Variants in CSPG4 observed in about 807,000 individuals in gnomAD.
CSPG4 encodes chondroitin sulfate proteoglycan 4 (melanoma-associated).
In CSPG4, 74 loss-of-function variants were observed where a neutral mutation model predicts 139.3. That is an observed-to-expected ratio of 0.53 (90% confidence interval 0.44 to 0.64). CSPG4 has a LOEUF of 0.64. Among genes scored for constraint, CSPG4 ranks in the 30% least tolerant of loss-of-function variants. CSPG4 has a pLI of 0.00. For synonymous variants in CSPG4, 1,234 were observed against 1,394.2 expected (o/e 0.89, Z 2.56); for missense variants, 2,565 against 3,148.3 (o/e 0.81, Z 4.43).
chr15:75,678,656 A>G (rs187382316), intron 8 of CSPG4: 29 of 456,104 alleles, frequency 6.4e-5, no homozygotes, highest in Middle Eastern at 6.5e-4. Flanking sequence ...ACCTGGCCAG[A>G]AAAAACTATT....
At position 75,690,084 on chromosome 15, in the gene CSPG4, C is replaced by T. The variant is rs368002060; in HGVS notation, c.981G>A (p.Leu327=). The part of the protein sequence containing the change: ...EPRGSLLLGG[L]DAEASRHLQE... The stretch of plus-strand genomic sequence containing the variant: ...GGAGGTGACGAGAGGCCTCTGCATC[C>T]AGCCCCCCGAGAAGGAGACTGCCCC... Residue 327 remains leucine (L), a synonymous_variant, in exon 3 of 10, where the codon CTG becomes CTA. Coordinates refer to ENST00000308508, the MANE Select transcript of CSPG4 (RefSeq NM_001897.5). 42 of 1,612,044 alleles carry T rather than the reference C, an allele frequency of 2.6e-5. 1 individual carries two copies. In the African/African-American group the frequency reaches 3.9e-4, roughly 15 times the overall value.
At chr15:75,702,135 C>A (rs973024139) in intron 1 of CSPG4, among the ~76,000 whole-genome samples, 1 of 152,226 alleles carries the variant, frequency 6.6e-6, no homozygotes, top group South Asian at 2.1e-4. Flanking sequence ...CTCCCATTGC[C>A]CCAGGGTCAG....
At position 75,676,604 on chromosome 15, in the gene CSPG4, C is replaced by T. The variant is rs757976865; in HGVS notation, c.5915G>A (p.Arg1972Gln). ...SQQQLRVVSD[R>Q]EEPEAAYRLI... Reference sequence around the variant, plus strand: ...GCGGTATGCTGCCTCTGGCTCCTCCCGATCTGAAACCACCCGGAGCTGCTG... The same window carrying T: ...GCGGTATGCTGCCTCTGGCTCCTCCTGATCTGAAACCACCCGGAGCTGCTG... Residue 1972 changes from arginine to glutamine, a missense_variant, in exon 10 of 10, where the codon CGG becomes CAG. Physicochemically the swap from Arg to Gln is conservative, Grantham distance 43. Coordinates refer to ENST00000308508, the MANE Select transcript of CSPG4 (RefSeq NM_001897.5). 50 of 1,610,662 alleles carry T rather than the reference C, an allele frequency of 3.1e-5. No homozygotes were observed. The highest frequency in any genetic ancestry group is 1.6e-4 in the Middle Eastern group (1 of 6,080).
chr15:75,701,281 T>G (rs1270823232), intron 1 of CSPG4, among the ~76,000 whole-genome samples: 1 of 152,168 alleles, frequency 6.6e-6, no homozygotes, highest in East Asian at 1.9e-4. Flanking sequence ...AGGGAGGTGA[T>G]GTCAGCATCT....
At chr15:75,686,340 A>G (rs1406283024) in intron 3 of CSPG4, among the ~76,000 whole-genome samples, 3 of 151,954 alleles carry the variant, frequency 2.0e-5, no homozygotes, top group African/African-American at 2.4e-5. Context: ...TGCAGGCAGC[A>G]CCTCCCCAGC....
In CSPG4 at chr15:75,675,364, T is replaced by C. The variant is rs932046548; in HGVS notation, c.*186A>G. On this transcript the variant is annotated 3_prime_UTR_variant, in exon 10 of 10. Coordinates refer to ENST00000308508, the MANE Select transcript of CSPG4 (RefSeq NM_001897.5). ...CAGGCTCGGAGTGAGCTGAGGGAGG[T>C]TCCAGCTCTTGACTCCACTCTGTCC... 5.5e-6 allele frequency: 3 copies of C among 541,708 alleles called. No individual in the cohort carries two copies. In the African/African-American group the frequency reaches 5.9e-5, roughly 11 times the overall value. 33.6% of individuals were successfully genotyped at this position (541,708 alleles called of 1,614,324 possible). A position where few individuals can be genotyped will look rare whatever the true frequency, so the allele number is the denominator to read the frequency against.
At chr15:75,707,754 C>T (rs1249617314) in intron 1 of CSPG4, among the ~76,000 whole-genome samples, 3 of 152,232 alleles carry the variant, frequency 2.0e-5, no homozygotes, top group African/African-American at 2.4e-5. Flanking sequence ...AGCTCAGCTG[C>T]CTCCAGGCCG....
At chr15:75,702,705 T>C (rs1894321327) in intron 1 of CSPG4, among the ~76,000 whole-genome samples, 1 of 152,274 alleles carries the variant, frequency 6.6e-6, no homozygotes, top group Admixed American at 6.5e-5. Context: ...CTCGAGGGAC[T>C]GCCAGAGCCA....
chr15:75,685,514 T>C lies in CSPG4; in HGVS notation c.3977A>G (p.Glu1326Gly), dbSNP rs1378949141. The C allele has an allele frequency of 4.4e-6, 7 of 1,609,018 alleles. No homozygotes were observed. Among genetic ancestry groups the C allele is most frequent in the Non-Finnish European group, 5.9e-6 (7 of 1,178,758 alleles). ...GRVLYLHSRP[E>G]AWSDAFSLDV... ...CAGCGAGAAGGCATCGCTCCAGGCC[T>C]CAGGGCGGGAGTGCAGGTACAGGAC... Residue 1326 changes from glutamate to glycine, a missense_variant, in exon 4 of 10, where the codon GAG (glutamate) becomes GGG (glycine). Glu to Gly is a moderately conservative substitution (Grantham distance 98). Transcript: ENST00000308508.
intron 1 of CSPG4, among the ~76,000 whole-genome samples, chr15:75,700,212 C>T (rs1209974283): frequency 6.6e-6 from 1 of 152,116 alleles, no homozygotes; most frequent in Non-Finnish European, 1.5e-5. Context: ...GTGTGTGCAC[C>T]CAGAGAGGCG....
At chr15:75,701,415 G>C (rs879855575) in intron 1 of CSPG4, among the ~76,000 whole-genome samples, 18 of 152,150 alleles carry the variant, frequency 1.2e-4, no homozygotes, top group Non-Finnish European at 2.2e-4. Context: ...GCGTTGCCGG[G>C]GGGTGCACCA....
chr15:75,684,760 G>A lies in CSPG4; in HGVS notation c.4425C>T (p.Ile1475=). The change falls in exon 5 of 10, where the codon ATC becomes ATT. Residue 1475 remains isoleucine (I), a synonymous_variant. Coordinates refer to ENST00000308508, the MANE Select transcript of CSPG4 (RefSeq NM_001897.5). ...CCTGCAGGCCTGTGTTTGTAGTGAGGATGGGGGGTTGGTCATTGACAGGCA... is the reference window on the plus strand; with the variant it reads ...CCTGCAGGCCTGTGTTTGTAGTGAGAATGGGGGGTTGGTCATTGACAGGCA... ...TVLPVNDQPP[I]LTTNTGLQMW... is the part of the protein sequence containing the mutation. The A allele has an allele frequency of 6.2e-7, 1 of 1,613,848 alleles. No homozygotes were observed. Among genetic ancestry groups the A allele is most frequent in the South Asian group, 1.1e-5 (1 of 91,082 alleles).
At chr15:75,702,335 T>C (rs1566977615) in intron 1 of CSPG4, among the ~76,000 whole-genome samples, 1 of 152,254 alleles carries the variant, frequency 6.6e-6, no homozygotes. Flanking sequence ...TCTTCTCTCC[T>C]GTCCACCTGT....
Position 75,687,723 on chromosome 15 carries a change from G to C in CSPG4, c.3342C>G (p.Ala1114=). The change falls in exon 3 of 10, where the codon GCC becomes GCG. Residue 1114 remains alanine (A), a synonymous_variant. Coordinates refer to ENST00000308508, the MANE Select transcript of CSPG4 (RefSeq NM_001897.5). This position sits in a 1 kb window ranked among gnomAD's most constrained non-coding sequence, Gnocchi z 5.4. The part of the protein sequence containing the change: ...QLQVSDGQHQ[A]TALLEVQASE... Reference sequence around the variant, plus strand: ...AGGCCTGCACCTCCAGCAGCGCAGTGGCCTGGTGTTGCCCGTCGGACACCT... The same window carrying C: ...AGGCCTGCACCTCCAGCAGCGCAGTCGCCTGGTGTTGCCCGTCGGACACCT... The C allele has an allele frequency of 6.2e-7, 1 of 1,612,926 alleles. No homozygotes were observed. Among genetic ancestry groups the C allele is most frequent in the African/African-American group, 1.3e-5 (1 of 75,070 alleles).
intron 8 of CSPG4, 27 bp from the exon 9 acceptor site, chr15:75,677,913 G>A: frequency 2.5e-6 from 4 of 1,571,530 alleles, no homozygotes; most frequent in East Asian, 4.7e-5. Context: ...CGTGGGGTGA[G>A]AGGCAGGTCC....
At chr15:75,678,034 A>C in intron 8 of CSPG4, 148 bp from the exon 9 acceptor site, 29 of 690,226 alleles carry the variant, frequency 4.2e-5, no homozygotes, top group Non-Finnish European at 5.5e-5. Context: ...TCACTAACTC[A>C]CTGGGTCACA....
intron 1 of CSPG4, among the ~76,000 whole-genome samples, chr15:75,694,413 G>A (rs922206041): frequency 6.6e-6 from 1 of 152,236 alleles, no homozygotes; most frequent in African/African-American, 2.4e-5. Flanking sequence ...CCAGGGCTGG[G>A]GGGTAGAGAA....
intron 1 of CSPG4, among the ~76,000 whole-genome samples, chr15:75,695,332 G>C (rs1408258978): frequency 6.6e-6 from 1 of 152,218 alleles, no homozygotes; most frequent in Non-Finnish European, 1.5e-5. Context: ...CAGCAGAGGA[G>C]AGTAGAGCCT....
At position 75,691,204 on chromosome 15, in the gene CSPG4, G is replaced by A. The variant is rs547941173; in HGVS notation, c.253-392C>T. On this transcript the variant is annotated intron_variant, in intron 2 of 9. Transcript: ENST00000308508. The stretch of plus-strand genomic sequence containing the variant: ...AACAAACAAAAAAAAAGCATAGTGA[G>A]TTCCCCACACTTGGGGCCCCAGAGT... 5.9e-5 allele frequency among the ~76,000 whole-genome samples: 9 copies of A among 152,270 alleles called. 2 individuals are homozygous for A. The South Asian group carries it at 1.9e-3, about 32-fold the overall frequency.
Sources: allele counts gnomAD v4.1 joint callset (sites outside exome capture counted in the v4.1 genomes callset), GRCh38; gene constraint gnomAD v4.1.1; non-coding constraint Gnocchi (gnomAD v3.1); transcripts MANE v1.5; gene names NCBI Gene and HGNC (gene_info 2026-07-23, HGNC 2026-07-21).